The following BLVRB variants were observed in gnomAD, a reference collection of about 807,000 sequenced individuals.
The protein encoded by BLVRB is flavin reductase (NADPH).
A neutral mutation model predicts 21.1 loss-of-function variants in BLVRB; 25 were observed. The observed-to-expected ratio is 1.19, with a 90% CI of 0.86 to 1.66. BLVRB has a LOEUF of 1.66. Among genes scored for constraint, BLVRB ranks in the 40% most tolerant of loss-of-function variants. The pLI is 0.00. For synonymous variants in BLVRB, 128 were observed against 122.2 expected, an observed-to-expected ratio of 1.05 and a Z score of -0.31; for missense variants, 274 against 282.7, an observed-to-expected ratio of 0.97 and a Z score of 0.22.
intron 3 of BLVRB, among the ~76,000 whole-genome samples, chr19:40,454,091 AT>A (rs1568737718): frequency 6.6e-6 from 1 of 152,204 alleles, no homozygotes; most frequent in East Asian, 1.9e-4. Flanking sequence ...CAACAAAAAA[AT>A]TTTAAAAATT....
chr19:40,451,051 C>G (rs968505050), intron 4 of BLVRB, among the ~76,000 whole-genome samples: 2 of 152,218 alleles, frequency 1.3e-5, no homozygotes, highest in Non-Finnish European at 2.9e-5. Context: ...TCCCTCACCA[C>G]TCCCCAGAGG....
At chr19:40,455,003 A>G (rs1263663745) in intron 3 of BLVRB, among the ~76,000 whole-genome samples, 2 of 136,434 alleles carry the variant, frequency 1.5e-5, no homozygotes, top group African/African-American at 6.4e-5. Flanking sequence ...CACCACACCC[A>G]GCTAATTTTT....
chr19:40,461,530 C>T (rs1158179116), intron 1 of BLVRB, among the ~76,000 whole-genome samples: 1 of 149,608 alleles, frequency 6.7e-6, no homozygotes, highest in African/African-American at 2.5e-5. Flanking sequence ...GACGGAGTCT[C>T]GCTCTGTTGC....
chr19:40,458,138 A>G lies in BLVRB; in HGVS notation c.334+17T>C. ...TACCCCCCAGTTCAGCCCCACCTCC[A>G]TGATCCCACCACCCACCCGAGGTGC... On this transcript the variant is annotated intron_variant, in intron 3 of 4. Transcript: ENST00000263368. 1.2e-6 allele frequency: 2 copies of G among 1,612,178 alleles called. No individual in the cohort carries two copies. Among genetic ancestry groups the G allele is most frequent in the Middle Eastern group, 1.7e-4 (1 of 6,044 alleles).
intron 1 of BLVRB, among the ~76,000 whole-genome samples, chr19:40,462,502 T>A (rs978948878): frequency 2.0e-5 from 3 of 150,742 alleles, no homozygotes; most frequent in Middle Eastern, 6.9e-3. Context: ...GTGGTCTCGA[T>A]CTCCTGACCT....
At chr19:40,464,823 C>T (rs1054079901) in intron 1 of BLVRB, among the ~76,000 whole-genome samples, 1 of 152,144 alleles carries the variant, frequency 6.6e-6, no homozygotes, top group Admixed American at 6.6e-5. Context: ...ATATCTTCAG[C>T]GTCCCCAAGG....
intron 3 of BLVRB, among the ~76,000 whole-genome samples, chr19:40,455,016 TA>T (rs2145779245): frequency 8.5e-6 from 1 of 117,354 alleles, no homozygotes; most frequent in African/African-American, 4.8e-5. Context: ...TAATTTTTTG[TA>T]TTTTTTTTTT....
chr19:40,448,371 A>C (rs1324987868), intron 4 of BLVRB, among the ~76,000 whole-genome samples: 1 of 151,320 alleles, frequency 6.6e-6, no homozygotes, highest in Non-Finnish European at 1.5e-5. Context: ...CAGGAGTATC[A>C]CTCAAGCCCA....
In BLVRB at chr19:40,465,693, C is replaced by G. The variant is rs1271614057; in HGVS notation, c.-5G>C. The G allele has an allele frequency of 3.1e-6, 5 of 1,612,402 alleles. No individual in the cohort carries two copies. Among genetic ancestry groups the G allele is most frequent in the Non-Finnish European group, 4.2e-6 (5 of 1,179,662 alleles). On this transcript the variant is annotated 5_prime_UTR_variant, in exon 1 of 5. Transcript: ENST00000263368. Reference sequence around the variant, plus strand: ...CGCGATCTTCTTGACGGCCATCGTACGGGATCGTGGGGGTGCAAGGCCTCA... The same window carrying G: ...CGCGATCTTCTTGACGGCCATCGTAGGGGATCGTGGGGGTGCAAGGCCTCA...
intron 1 of BLVRB, among the ~76,000 whole-genome samples, chr19:40,462,192 C>T (rs919209587): frequency 6.6e-6 from 1 of 152,124 alleles, no homozygotes; most frequent in Non-Finnish European, 1.5e-5. Flanking sequence ...GCTATGTGAC[C>T]ACCTTTCATA....
chr19:40,448,128 C>T, intron 4 of BLVRB, 82 bp from the exon 5 acceptor site: 1 of 1,482,946 alleles, frequency 6.7e-7, no homozygotes, highest in Non-Finnish European at 9.2e-7. Context: ...AAGACCTTCC[C>T]AGGGTGCCTA....
In BLVRB at chr19:40,464,983, A is replaced by G. The variant is rs569793439; in HGVS notation, c.79+627T>C. Among the ~76,000 whole-genome samples the G allele has an allele frequency of 2.0e-5, 3 of 152,084 alleles. No homozygotes were observed. The East Asian group carries it at 5.8e-4, about 29-fold the overall frequency. ...AACTCCAAATTTTCAGCCCTCATTG[A>G]CTTTCCCAGGACTGCTGTCCCCAAG... On this transcript the variant is annotated intron_variant, in intron 1 of 4. Coordinates refer to ENST00000263368, the MANE Select transcript of BLVRB (RefSeq NM_000713.3).
At chr19:40,463,331 C>A (rs2079796461) in intron 1 of BLVRB, among the ~76,000 whole-genome samples, 1 of 152,186 alleles carries the variant, frequency 6.6e-6, no homozygotes, top group South Asian at 2.1e-4. Flanking sequence ...ATCCCAAGAG[C>A]CCTAGGGCAA....
chr19:40,462,089 C>T (rs2079789945), intron 1 of BLVRB, among the ~76,000 whole-genome samples: 1 of 152,194 alleles, frequency 6.6e-6, no homozygotes, highest in South Asian at 2.1e-4. Context: ...AGCTCTGCCA[C>T]TTACCAGCTG....
chr19:40,458,929 G>A (rs1438929682), intron 1 of BLVRB, among the ~76,000 whole-genome samples: 2 of 151,890 alleles, frequency 1.3e-5, no homozygotes, highest in Non-Finnish European at 2.9e-5. Context: ...CTGGGCTCAG[G>A]TGATCTGCCT....
At position 40,451,376 on chromosome 19, in the gene BLVRB, G is replaced by C. The variant is rs752823995; in HGVS notation, c.451C>G (p.Pro151Ala). 6.2e-7 allele frequency: 1 copy of C among 1,604,362 alleles called. No individual in the cohort carries two copies. The highest frequency in any genetic ancestry group is 1.1e-5 in the South Asian group (1 of 88,996). ...CTGCCCTGCTTACCTATGTGTGGCG[G>C]CATCACAGCCACGTACTTCAGGCCT... is the stretch of plus-strand genomic sequence containing the variant. ...ESGLKYVAVM[P>A]PHIGDQPLTG... Residue 151 changes from proline to alanine, a missense_variant, in exon 4 of 5, where the codon CCG becomes GCG. Coordinates refer to ENST00000263368, the MANE Select transcript of BLVRB (RefSeq NM_000713.3).
At chr19:40,464,122 G>C (rs2079800293) in intron 1 of BLVRB, among the ~76,000 whole-genome samples, 2 of 151,886 alleles carry the variant, frequency 1.3e-5, no homozygotes, top group African/African-American at 4.8e-5. Flanking sequence ...GTCTCACCCT[G>C]TCACCCAGGC....
chr19:40,459,498 A>AGT (rs2079777562), intron 1 of BLVRB, among the ~76,000 whole-genome samples: 1 of 150,942 alleles, frequency 6.6e-6, no homozygotes, highest in East Asian at 2.0e-4. Flanking sequence ...CCCAGGCTAG[A>AGT]GTGCAGTGGC....
At chr19:40,456,121 A>T (rs1036710796) in intron 3 of BLVRB, among the ~76,000 whole-genome samples, 1 of 152,174 alleles carries the variant, frequency 6.6e-6, no homozygotes. Flanking sequence ...TATATTGAGG[A>T]CCTACACATT....
Sources: allele counts gnomAD v4.1 joint callset (sites outside exome capture counted in the v4.1 genomes callset), GRCh38; gene constraint gnomAD v4.1.1; transcripts MANE v1.5; gene names NCBI Gene and HGNC (gene_info 2026-07-23, HGNC 2026-07-21).